The following MAPK8IP3 variants were observed in gnomAD, a reference collection of about 807,000 sequenced individuals.
MAPK8IP3 encodes the protein mitogen-activated protein kinase 8 interacting protein 3, also known as C-Jun-amino-terminal kinase-interacting protein 3.
A neutral mutation model predicts 157.8 loss-of-function variants in MAPK8IP3; 49 were observed. The ratio of observed to expected loss-of-function variants is 0.31; its 90% CI spans 0.25 to 0.39. The LOEUF is 0.39. Among genes scored for constraint, MAPK8IP3 ranks in the 10% least tolerant of loss-of-function variants. The pLI is 1.00. For missense variants in MAPK8IP3, 1,478 were observed against 1,889.4 expected (o/e 0.78, Z 4.04); for synonymous variants, 897 against 777.7 (o/e 1.15, Z -2.55).
chr16:1,712,328 TG>T (rs1212479662), intron 1 of MAPK8IP3, among the ~76,000 whole-genome samples: 1 of 152,032 alleles, frequency 6.6e-6, no homozygotes, highest in Non-Finnish European at 1.5e-5. Flanking sequence ...CCCAAAGTGC[TG>T]GGATTACAGG....
chr16:1,759,048 C>G, intron 10 of MAPK8IP3, 53 bp downstream of exon 10: 1 of 1,607,958 alleles, frequency 6.2e-7, no homozygotes, highest in East Asian at 2.2e-5. Context: ...CCGACATGGT[C>G]TCCTGCTTCA....
intron 2 of MAPK8IP3, among the ~76,000 whole-genome samples, chr16:1,727,732 G>C (rs1437762792): frequency 6.6e-6 from 1 of 152,218 alleles, no homozygotes; most frequent in Non-Finnish European, 1.5e-5. Flanking sequence ...TGCTCCTCGG[G>C]GTGAGATCCC....
In MAPK8IP3 at chr16:1,737,315, ACCGT is replaced by A. The variant is rs754932376; in HGVS notation, c.603-6012_603-6009del. Reference sequence around the variant, plus strand: ...GACCATCCATGTGAGCATCTGTGTGACCGTCCGTGTGAGCATCCGTGTGAGCGTG... The same window carrying A: ...GACCATCCATGTGAGCATCTGTGTGACCGTGTGAGCATCCGTGTGAGCGTG... On this transcript the variant is annotated intron_variant, in intron 4 of 31. Coordinates refer to ENST00000610761, the MANE Select transcript of MAPK8IP3 (RefSeq NM_001318852.2). 1.3e-3 allele frequency among the ~76,000 whole-genome samples: 111 copies of A among 84,836 alleles called. 8 individuals are homozygous for A. The highest frequency in any genetic ancestry group is 1.5e-3 in the Non-Finnish European group (67 of 46,038). 55.7% of individuals were successfully genotyped at this position (84,836 alleles called of 152,430 possible).
At position 1,767,855 on chromosome 16, in the gene MAPK8IP3, G is replaced by A. The variant is rs200426210; in HGVS notation, c.3460G>A (p.Ala1154Thr). The A allele has an allele frequency of 1.4e-5, 23 of 1,611,170 alleles. No homozygotes were observed. Among genetic ancestry groups the A allele is most frequent in the Non-Finnish European group, 3.4e-6 (4 of 1,179,922 alleles). The change falls in exon 28 of 32, where the codon GCG becomes ACG. Residue 1154 changes from alanine to threonine, a missense_variant. This residue lies in a region of MAPK8IP3 where 68 missense variants were observed against 125.1 expected (regional missense o/e 0.54). Coordinates refer to ENST00000610761, the MANE Select transcript of MAPK8IP3 (RefSeq NM_001318852.2). ...CGTACGCATCACGGCCCTGCTTGTC[G>A]CGGGCAGCCGGCTCTGGGTGGGCAC... is the stretch of plus-strand genomic sequence containing the variant. ...SFVRITALLV[A>T]GSRLWVGTGN... is the part of the protein sequence containing the mutation.
chr16:1,718,548 C>T (rs1038553450), intron 1 of MAPK8IP3, among the ~76,000 whole-genome samples: 2 of 151,286 alleles, frequency 1.3e-5, no homozygotes, highest in Non-Finnish European at 2.9e-5. Context: ...AATACCAGCA[C>T]TTTGGGAACC....
Position 1,747,054 on chromosome 16 carries a change from C to T in MAPK8IP3, c.773C>T (p.Ser258Leu). The T allele has an allele frequency of 6.2e-7, 1 of 1,613,644 alleles. No homozygotes were observed. The highest frequency in any genetic ancestry group is 2.2e-5 in the East Asian group (1 of 44,878). ...TGTCCACAGGATGAAATGTCCGAGTCAGGCCAGTCCTCGGCGGCCGCCACA... is the reference window on the plus strand; with the variant it reads ...TGTCCACAGGATGAAATGTCCGAGTTAGGCCAGTCCTCGGCGGCCGCCACA... Reference protein sequence around the residue: ...YQCPQDEMSESGQSSAAATPS... With the variant: ...YQCPQDEMSELGQSSAAATPS... The change falls in exon 6 of 32, where the codon TCA becomes TTA. Residue 258 changes from serine (S) to leucine (L), a missense_variant. Ser to Leu is a moderately radical substitution (Grantham distance 145). This residue lies in a region of MAPK8IP3 where 315 missense variants were observed against 394.4 expected (regional missense o/e 0.80). Coordinates refer to ENST00000610761, the MANE Select transcript of MAPK8IP3 (RefSeq NM_001318852.2).
chr16:1,740,448 C>T (rs2040603890), intron 4 of MAPK8IP3, among the ~76,000 whole-genome samples: 2 of 151,220 alleles, frequency 1.3e-5, no homozygotes, highest in Non-Finnish European at 3.0e-5. Flanking sequence ...ACACCTGTCT[C>T]CTTATCGTCA....
At position 1,743,389 on chromosome 16, in the gene MAPK8IP3, T is replaced by C. The variant is rs1466612761; in HGVS notation, c.660T>C (p.Arg220=). 6.2e-7 allele frequency: 1 copy of C among 1,608,620 alleles called. No individual in the cohort carries two copies. Among genetic ancestry groups the C allele is most frequent in the Non-Finnish European group, 8.5e-7 (1 of 1,177,896 alleles). The change falls in exon 5 of 32, where the codon CGT becomes CGC. Residue 220 remains arginine (R), a synonymous_variant. Transcript: ENST00000610761. This position sits in a 1 kb window ranked among gnomAD's most constrained non-coding sequence, Gnocchi z 5.6. ...TCCCCCTGGCTGACGGCACGGTACG[T>C]GCACAGATCGGGGGCAAGCTCGTGC... ...NVFPLADGTV[R]AQIGGKLVPA... is the part of the protein sequence containing the mutation.
rs1219387951 is a variant in MAPK8IP3 at position 1,766,925 on chromosome 16, G to A, written c.3042G>A (p.Leu1014=). Residue 1014 remains leucine (L), a synonymous_variant, in exon 25 of 32, where the codon CTG becomes CTA. Transcript: ENST00000610761. The stretch of plus-strand genomic sequence containing the variant: ...TCAGGCATGTCAAAGGCCGTGTGCT[G>A]GTGGCTCTGGCGGACGGGACCCTGG... ...LSLVHVKGRV[L]VALADGTLAI... The A allele has an allele frequency of 1.9e-6, 3 of 1,599,010 alleles. No individual in the cohort carries two copies. The highest frequency in any genetic ancestry group is 4.5e-5 in the East Asian group (2 of 44,636).
intron 1 of MAPK8IP3, among the ~76,000 whole-genome samples, chr16:1,709,600 C>G (rs1029078051): frequency 2.6e-5 from 4 of 152,262 alleles, no homozygotes; most frequent in Admixed American, 2.0e-4. Flanking sequence ...GGCTCTGATA[C>G]AAAGTTTTTT....
chr16:1,729,414 A>G (rs1354236271), intron 3 of MAPK8IP3, 73 bp from the exon 4 acceptor site: 5 of 1,449,478 alleles, frequency 3.4e-6, no homozygotes. Context: ...GCAGCCGGAA[A>G]AGCCTCACAG....
rs1237878099 is a variant in MAPK8IP3 at position 1,743,102 on chromosome 16, A to AG, written c.603-230_603-229insG. ...AGAGCGAGACTCCGCCTCAAAAAAAATAAAATAAAATAAAATAAAATAAAA... is the reference window on the plus strand; with the variant it reads ...AGAGCGAGACTCCGCCTCAAAAAAAAGTAAAATAAAATAAAATAAAATAAAA... On this transcript the variant is annotated intron_variant, in intron 4 of 31. Transcript: ENST00000610761. The surrounding 1 kb of genome is among the most constrained non-coding windows in gnomAD (Gnocchi z 5.6). Among the ~76,000 whole-genome samples, 3 of 152,006 alleles carry AG rather than the reference A, an allele frequency of 2.0e-5. No individual in the cohort carries two copies. Among genetic ancestry groups the AG allele is most frequent in the Non-Finnish European group, 4.4e-5 (3 of 68,008 alleles).
In MAPK8IP3 at chr16:1,737,754, G is replaced by A. The variant is rs115718514; in HGVS notation, c.603-5578G>A. On this transcript the variant is annotated intron_variant, in intron 4 of 31. Transcript: ENST00000610761. ...AGCATCCGTGTGAGCGTGACCATCC[G>A]TGTGTGTGACCATCCGTGTGAGTGA... is the stretch of plus-strand genomic sequence containing the variant. Among the ~76,000 whole-genome samples, 207 of 39,460 alleles carry A rather than the reference G, an allele frequency of 5.2e-3. 45 individuals carry two copies. Among genetic ancestry groups the A allele is most frequent in the African/African-American group, 0.034 (181 of 5,252 alleles). The allele number at this position is 39,460 out of a possible 152,430, so 25.9% of individuals were successfully genotyped here.
At chr16:1,711,942 CAAAAAAAAAAAAAAA>C (rs1243025641) in intron 1 of MAPK8IP3, among the ~76,000 whole-genome samples, 1 of 52,494 alleles carries the variant, frequency 1.9e-5, no homozygotes, top group Non-Finnish European at 3.9e-5. Context: ...GACTCCGTCT[CAAAAAAAAAAAAAAA>C]GAAAAAAAAA....
chr16:1,758,894 C>T (rs1343516765), intron 9 of MAPK8IP3, 84 bp from the exon 10 acceptor site: 4 of 1,471,800 alleles, frequency 2.7e-6, no homozygotes, highest in South Asian at 2.3e-5. Context: ...TCCACACGGG[C>T]TTAACGCGCT....
At chr16:1,717,854 T>A (rs1023775591) in intron 1 of MAPK8IP3, among the ~76,000 whole-genome samples, 1 of 148,318 alleles carries the variant, frequency 6.7e-6, no homozygotes, top group Admixed American at 6.6e-5. Context: ...AAATTCTTGG[T>A]TCTCTTTTTT....
At chr16:1,761,658 G>A (rs1423802845) in intron 13 of MAPK8IP3, among the ~76,000 whole-genome samples, 2,351 of 133,654 alleles carry the variant, frequency 0.018, 113 homozygotes, top group African/African-American at 0.069. Context: ...CAGGCGGGGC[G>A]GCCACCATTC....
intron 4 of MAPK8IP3, among the ~76,000 whole-genome samples, chr16:1,737,101 T>C (rs1289486200): frequency 1.6e-4 from 12 of 73,416 alleles, no homozygotes; most frequent in East Asian, 5.5e-4. Flanking sequence ...AGTGTGACCA[T>C]CCATGTGAGC....
At chr16:1,719,320 C>T (rs951449799) in intron 1 of MAPK8IP3, among the ~76,000 whole-genome samples, 1 of 151,630 alleles carries the variant, frequency 6.6e-6, no homozygotes, top group Non-Finnish European at 1.5e-5. Flanking sequence ...TCCTAAGGGA[C>T]AGAGACCTGG....
Sources: allele counts gnomAD v4.1 joint callset (sites outside exome capture counted in the v4.1 genomes callset), GRCh38; gene constraint gnomAD v4.1.1; regional missense constraint gnomAD v4.1.1; non-coding constraint Gnocchi (gnomAD v3.1); transcripts MANE v1.5; gene names NCBI Gene and HGNC (gene_info 2026-07-23, HGNC 2026-07-21).